Variants in CD163 observed in about 807,000 individuals in gnomAD.
CD163 encodes scavenger receptor cysteine-rich type 1 protein M130.
A neutral mutation model predicts 129.2 loss-of-function variants in CD163; 64 were observed. The ratio of observed to expected loss-of-function variants is 0.50; its 90% CI spans 0.41 to 0.61. The LOEUF (loss-of-function observed/expected upper bound fraction) is 0.61, where lower values mean the gene tolerates loss of function less well. CD163 is among the 20% of genes least tolerant of loss of function. The pLI, the probability that CD163 is intolerant of heterozygous loss-of-function variation, is 0.00. For synonymous variants in CD163, 446 were observed against 478.5 expected, an observed-to-expected ratio of 0.93 and a Z score of 0.89; for missense variants, 1,061 against 1,377.9, an observed-to-expected ratio of 0.77 and a Z score of 3.64.
At position 7,485,148 on chromosome 12, in the gene CD163, T is replaced by C. The variant is rs779589194; in HGVS notation, c.2727A>G (p.Pro909=). ...AGGGGCTGGCCAGTCTCTTCTCCCA[T>C]GGAGATGATGGGCACTGCCACAGCG... ...PDTLWQCPSS[P]WEKRLASPSE... Residue 909 remains proline, a synonymous_variant, in exon 11 of 17, where the codon CCA becomes CCG. Coordinates refer to ENST00000432237, the MANE Select transcript of CD163 (RefSeq NM_203416.4). This position sits in a 1 kb window ranked among gnomAD's most constrained non-coding sequence, Gnocchi z 4.5. The C allele has an allele frequency of 6.1e-5, 99 of 1,613,768 alleles. No homozygotes were observed. The highest frequency in any genetic ancestry group is 8.2e-5 in the Non-Finnish European group (97 of 1,179,792).
At chr12:7,490,498 T>C (rs1174350514) in intron 6 of CD163, among the ~76,000 whole-genome samples, 2 of 152,048 alleles carry the variant, frequency 1.3e-5, no homozygotes, top group African/African-American at 4.8e-5. Context: ...ACTTGTTCTT[T>C]AAGAGAAATA....
chr12:7,476,657 C>A (rs1591991462), intron 16 of CD163, among the ~76,000 whole-genome samples: 2 of 152,154 alleles, frequency 1.3e-5, no homozygotes, highest in Non-Finnish European at 2.9e-5. Flanking sequence ...TAGGCAGTAC[C>A]ATTCAGTACA....
Position 7,488,095 on chromosome 12 carries a change from AT to A in CD163, c.1421-9del. The A allele has an allele frequency of 2.5e-6, 4 of 1,592,508 alleles. No individual in the cohort carries two copies. The highest frequency in any genetic ancestry group is 3.4e-6 in the Non-Finnish European group (4 of 1,169,798). On this transcript the variant is annotated splice_polypyrimidine_tract_variant and intron_variant, in intron 6 of 16. Coordinates refer to ENST00000432237, the MANE Select transcript of CD163 (RefSeq NM_203416.4). ...GTCTGGGTTCCCTGTGGGCTGAAAAATAAATATTATTTCAGTGAGAGGTAAT... is the reference window on the plus strand; with the variant it reads ...GTCTGGGTTCCCTGTGGGCTGAAAAAAAATATTATTTCAGTGAGAGGTAAT...
intron 6 of CD163, among the ~76,000 whole-genome samples, chr12:7,491,872 C>A (rs964486804): frequency 6.6e-6 from 1 of 152,008 alleles, no homozygotes; most frequent in African/African-American, 2.4e-5. Context: ...AATTTTGTGG[C>A]CAAAATTTCC....
chr12:7,501,132 G>A lies in CD163; in HGVS notation c.457+7C>T. ...TGTGTTGAGGCTTTGACTAATGCAA[G>A]TCTTACCTGAGCAGGTCACTCCAGC... On this transcript the variant is annotated splice_region_variant and intron_variant, in intron 3 of 16. Transcript: ENST00000432237. The A allele has an allele frequency of 6.2e-7, 1 of 1,612,548 alleles. No individual in the cohort carries two copies. Among genetic ancestry groups the A allele is most frequent in the Non-Finnish European group, 8.5e-7 (1 of 1,178,726 alleles).
chr12:7,482,220 G>C (rs1167375718), intron 14 of CD163, among the ~76,000 whole-genome samples: 2 of 152,024 alleles, frequency 1.3e-5, no homozygotes, highest in African/African-American at 4.8e-5. Flanking sequence ...TAAATGTTTA[G>C]GTAAAAAGTC....
chr12:7,497,738 C>T (rs765449753), intron 4 of CD163, among the ~76,000 whole-genome samples: 3 of 152,202 alleles, frequency 2.0e-5, no homozygotes, highest in Admixed American at 1.3e-4. Flanking sequence ...TGGCAGTTTC[C>T]GTTTTCATTC....
At position 7,486,553 on chromosome 12, in the gene CD163, C is replaced by T. The variant is rs141900890; in HGVS notation, c.2404G>A (p.Gly802Ser). 14 of 1,614,114 alleles carry T rather than the reference C, an allele frequency of 8.7e-6. No homozygotes were observed. The highest frequency in any genetic ancestry group is 8.0e-5 in the African/African-American group (6 of 74,956). ...ESRIWQCHSHGWGQQNCRHKE... is the reference protein window; with the variant it reads ...ESRIWQCHSHSWGQQNCRHKE... ...TGCCTGCAATTTTGCTGCCCCCAGCCGTGTGAATGGCACTGCCAAATGCGG... is the reference window on the plus strand; with the variant it reads ...TGCCTGCAATTTTGCTGCCCCCAGCTGTGTGAATGGCACTGCCAAATGCGG... Residue 802 changes from glycine (G) to serine (S), a missense_variant, in exon 10 of 17, where the codon GGC becomes AGC. Physicochemically the swap from Gly to Ser is moderately conservative, Grantham distance 56. Transcript: ENST00000432237.
chr12:7,484,639 CA>C (rs10690784), intron 11 of CD163, among the ~76,000 whole-genome samples: 6,608 of 100,496 alleles, frequency 0.066, 326 homozygotes, highest in African/African-American at 0.21. Context: ...AACTCTGTCT[CA>C]AAAAAAAAAA....
intron 16 of CD163, among the ~76,000 whole-genome samples, chr12:7,474,620 A>G (rs1949058622): frequency 6.6e-6 from 1 of 152,216 alleles, no homozygotes; most frequent in Admixed American, 6.5e-5. Flanking sequence ...CACATCAGAA[A>G]GTGGGAAATA....
At chr12:7,501,112 T>G (rs770632111) in intron 3 of CD163, 27 bp downstream of exon 3, 149 of 1,598,514 alleles carry the variant, frequency 9.3e-5, no homozygotes, top group Non-Finnish European at 1.1e-4. Flanking sequence ...GATTTTGTGT[T>G]GAGGCTTTGA....
chr12:7,486,193 T>C (rs1055353439), intron 10 of CD163, among the ~76,000 whole-genome samples: 2 of 152,232 alleles, frequency 1.3e-5, no homozygotes, highest in Non-Finnish European at 2.9e-5. Flanking sequence ...AATTATCAAG[T>C]GTTGCTATTG....
intron 11 of CD163, 168 bp from the exon 12 acceptor site, chr12:7,483,843 T>TATACATATATATATATA (rs1259483569): frequency 2.6e-5 from 1 of 38,400 alleles, no homozygotes; most frequent in African/African-American, 8.4e-5. Flanking sequence ...ATATATATAT[T>TATACATATATATATATA]TTTTTTTTTT....
rs1393307070 is a variant in CD163 at position 7,489,746 on chromosome 12, G to C, written c.1421-1659C>G. 2.6e-5 allele frequency among the ~76,000 whole-genome samples: 4 copies of C among 152,150 alleles called. No individual in the cohort carries two copies. The East Asian group carries it at 7.7e-4, about 29-fold the overall frequency. On this transcript the variant is annotated intron_variant, in intron 6 of 16. Coordinates refer to ENST00000432237, the MANE Select transcript of CD163 (RefSeq NM_203416.4). ...CTCCCATTTTTCTTCTGAGCAAACTGCAGCACAAACAGTTTTCATAGATTC... is the reference window on the plus strand; with the variant it reads ...CTCCCATTTTTCTTCTGAGCAAACTCCAGCACAAACAGTTTTCATAGATTC...
intron 16 of CD163, among the ~76,000 whole-genome samples, chr12:7,472,677 A>G (rs1251075487): frequency 6.6e-6 from 1 of 152,208 alleles, no homozygotes; most frequent in Non-Finnish European, 1.5e-5. Context: ...CCTTTAATTG[A>G]TCACAACTCC....
Position 7,486,490 on chromosome 12 carries a change from A to G in CD163, c.2458+9T>C. 6.2e-7 allele frequency: 1 copy of G among 1,609,886 alleles called. No homozygotes were observed. The highest frequency in any genetic ancestry group is 1.3e-5 in the African/African-American group (1 of 75,018). On this transcript the variant is annotated intron_variant, in intron 10 of 16. Coordinates refer to ENST00000432237, the MANE Select transcript of CD163 (RefSeq NM_203416.4). ...GTAATTATGACCAAAGGTCATATGC[A>G]TAATTTACCTGAGCAGATAACTCCC...
At chr12:7,483,083 C>A in intron 12 of CD163, 79 bp from the exon 13 acceptor site, 1 of 1,375,442 alleles carries the variant, frequency 7.3e-7, no homozygotes, top group East Asian at 2.3e-5. Flanking sequence ...TTGTCTGACC[C>A]CTTAGTACCT....
chr12:7,472,550 C>A lies in CD163; in HGVS notation c.*32-1153G>T, dbSNP rs144554558. Among the ~76,000 whole-genome samples the A allele has an allele frequency of 7.0e-3, 1,058 of 152,226 alleles. 9 individuals carry two copies. Among genetic ancestry groups the A allele is most frequent in the African/African-American group, 0.024 (1,006 of 41,556 alleles). On this transcript the variant is annotated intron_variant, in intron 16 of 16. Coordinates refer to ENST00000432237, the MANE Select transcript of CD163 (RefSeq NM_203416.4). The stretch of plus-strand genomic sequence containing the variant: ...TTAACATCAACAAAAAGGACCCCTA[C>A]ACAAAAACCCCAACAAAGGTCATCA...
In CD163 at chr12:7,487,853, G is replaced by C; in HGVS notation, c.1655C>G (p.Ser552Cys). Residue 552 changes from serine to cysteine, a missense_variant, in exon 7 of 17, where the codon TCC becomes TGC. Ser to Cys is a moderately radical substitution (Grantham distance 112, BLOSUM62 -1). Coordinates refer to ENST00000432237, the MANE Select transcript of CD163 (RefSeq NM_203416.4). The surrounding 1 kb of genome is among the most constrained non-coding windows in gnomAD (Gnocchi z 5.1). Reference sequence around the variant, plus strand: ...TGCTACTGGGCAGAGTGAAAGATGGGACTCATGTCCCTCACACTGGAATTC... The same window carrying C: ...TGCTACTGGGCAGAGTGAAAGATGGCACTCATGTCCCTCACACTGGAATTC... ...AEEFQCEGHE[S>C]HLSLCPVAPR... 1 of 1,614,072 alleles carries C rather than the reference G, an allele frequency of 6.2e-7. No homozygotes were observed. The highest frequency in any genetic ancestry group is 2.2e-5 in the East Asian group (1 of 44,856).
Sources: gnomAD v4.1 joint callset for allele counts (sites outside exome capture counted in the v4.1 genomes callset) on GRCh38, gnomAD v4.1.1 for gene constraint, Gnocchi (gnomAD v3.1) non-coding constraint, MANE v1.5 for transcripts, NCBI Gene and HGNC (gene_info 2026-07-23, HGNC 2026-07-21) for gene names.